The following STK31 variants were observed in gnomAD, a reference collection of about 807,000 sequenced individuals.
STK31 encodes serine/threonine kinase 31, also known as serine/threonine-protein kinase 31.
STK31 carries 89 observed loss-of-function variants against 129.7 expected under a neutral mutation model. The ratio of observed to expected loss-of-function variants is 0.69; its 90% CI spans 0.58 to 0.82. The LOEUF is 0.82. Among genes scored for constraint, STK31 ranks in the 40% least tolerant of loss-of-function variants. The pLI, the probability that STK31 is intolerant of heterozygous loss-of-function variation, is 0.00. For missense variants in STK31, 1,187 were observed against 1,176.4 expected (o/e 1.01, Z -0.13); for synonymous variants, 448 against 395.3 (o/e 1.13, Z -1.58).
intron 4 of STK31, among the ~76,000 whole-genome samples, chr7:23,726,871 T>C (rs901932698): frequency 6.6e-6 from 1 of 152,188 alleles, no homozygotes; most frequent in Admixed American, 6.5e-5. Flanking sequence ...GCCATGTTTA[T>C]GTTAAAAAAA....
chr7:23,799,474 G>A (rs1308614229), intron 22 of STK31, among the ~76,000 whole-genome samples: 1 of 152,092 alleles, frequency 6.6e-6, no homozygotes, highest in African/African-American at 2.4e-5. Context: ...TGACAAACCT[G>A]ACAGAAGCAA....
chr7:23,730,705 T>C (rs1787349246), intron 6 of STK31, among the ~76,000 whole-genome samples: 1 of 151,310 alleles, frequency 6.6e-6, no homozygotes, highest in Non-Finnish European at 1.5e-5. Context: ...CATAGTAAAA[T>C]GCACAGATTT....
In STK31 at chr7:23,775,756, A is replaced by G. The variant is rs558047048; in HGVS notation, c.1965+3478A>G. ...TGAGACGATGGGGTTTTCTAAATAT[A>G]CAATCATGTCATCTGCAAACAGAGA... On this transcript the variant is annotated intron_variant, in intron 15 of 23. Coordinates refer to ENST00000355870, the MANE Select transcript of STK31 (RefSeq NM_031414.5). Among the ~76,000 whole-genome samples the G allele has an allele frequency of 1.1e-3, 169 of 152,332 alleles. 1 individual carries two copies. Among genetic ancestry groups the G allele is most frequent in the Admixed American group, 3.4e-3 (52 of 15,294 alleles).
At chr7:23,792,375 A>T (rs940714399) in intron 22 of STK31, among the ~76,000 whole-genome samples, 2 of 152,210 alleles carry the variant, frequency 1.3e-5, no homozygotes, top group Non-Finnish European at 2.9e-5. Flanking sequence ...AAAGTATTAA[A>T]ATATGGAATT....
At chr7:23,758,028 G>T (rs1314665601) in intron 10 of STK31, among the ~76,000 whole-genome samples, 1 of 152,180 alleles carries the variant, frequency 6.6e-6, no homozygotes, top group East Asian at 1.9e-4. Context: ...AGCACATGTC[G>T]TAGGGAGCAC....
At chr7:23,749,156 C>T (rs974933977) in intron 8 of STK31, among the ~76,000 whole-genome samples, 2 of 152,186 alleles carry the variant, frequency 1.3e-5, no homozygotes, top group African/African-American at 4.8e-5. Context: ...CATTGCCCGT[C>T]TGTTGTTACT....
Position 23,783,754 on chromosome 7 carries a change from T to G in STK31, c.2148+91T>G, listed in dbSNP as rs188014586. On this transcript the variant is annotated intron_variant, in intron 17 of 23. Coordinates refer to ENST00000355870, the MANE Select transcript of STK31 (RefSeq NM_031414.5). Reference sequence around the variant, plus strand: ...TTGTGTCAGTGTTAAACTTATAGTATCTTTTAAATAAAAATACTCCTGATG... The same window carrying G: ...TTGTGTCAGTGTTAAACTTATAGTAGCTTTTAAATAAAAATACTCCTGATG... The G allele has an allele frequency of 4.8e-4, 501 of 1,033,836 alleles. 1 individual carries two copies. The African/African-American group carries it at 7.2e-3, about 15-fold the overall frequency. 64.0% of individuals were successfully genotyped at this position (1,033,836 alleles called of 1,614,324 possible). A position where few individuals can be genotyped will look rare whatever the true frequency, so the allele number is the denominator to read the frequency against.
At chr7:23,808,150 AAT>A (rs569815420) in intron 22 of STK31, among the ~76,000 whole-genome samples, 18 of 130,738 alleles carry the variant, frequency 1.4e-4, no homozygotes, top group African/African-American at 1.7e-4. Flanking sequence ...AATCCTTTTT[AAT>A]ATATATATAT....
chr7:23,797,455 A>T (rs565996858), intron 22 of STK31, among the ~76,000 whole-genome samples: 1 of 152,356 alleles, frequency 6.6e-6, no homozygotes, highest in East Asian at 1.9e-4. Flanking sequence ...GGATTAAGAA[A>T]CTAACTCAAA....
At chr7:23,772,570 G>T (rs945636201) in intron 15 of STK31, among the ~76,000 whole-genome samples, 2 of 152,028 alleles carry the variant, frequency 1.3e-5, no homozygotes, top group African/African-American at 4.8e-5. Context: ...CTTTTAGTTT[G>T]GACTGTTAGA....
At chr7:23,817,439 A>G (rs1357616153) in intron 23 of STK31, among the ~76,000 whole-genome samples, 1 of 152,220 alleles carries the variant, frequency 6.6e-6, no homozygotes, top group Non-Finnish European at 1.5e-5. Context: ...CTTGGCTTGT[A>G]TAGTATTTGC....
chr7:23,754,666 C>T (rs912133290), intron 10 of STK31, among the ~76,000 whole-genome samples, 192 bp downstream of exon 10: 11 of 152,228 alleles, frequency 7.2e-5, no homozygotes, highest in Admixed American at 3.3e-4. Flanking sequence ...CATTTCCTAA[C>T]GAGCCCTGGT....
intron 5 of STK31, among the ~76,000 whole-genome samples, chr7:23,728,072 C>CTTTT (rs56355518): frequency 7.3e-5 from 5 of 68,290 alleles, no homozygotes; most frequent in Non-Finnish European, 1.3e-4. Flanking sequence ...TTGTGTTAAG[C>CTTTT]TTTTTTTTTT....
chr7:23,809,386 C>T (rs1792941950), intron 22 of STK31, among the ~76,000 whole-genome samples: 2 of 152,118 alleles, frequency 1.3e-5, no homozygotes, highest in African/African-American at 2.4e-5. Flanking sequence ...ATCCTATCCT[C>T]ATTCTTCTCA....
At chr7:23,731,369 C>T (rs1251290074) in intron 6 of STK31, among the ~76,000 whole-genome samples, 3 of 152,172 alleles carry the variant, frequency 2.0e-5, no homozygotes, top group Non-Finnish European at 4.4e-5. Flanking sequence ...TGCTAATACC[C>T]ACTTACCCGG....
At chr7:23,805,145 G>A (rs1792623430) in intron 22 of STK31, among the ~76,000 whole-genome samples, 2 of 150,676 alleles carry the variant, frequency 1.3e-5, no homozygotes, top group South Asian at 2.1e-4. Context: ...GTGTGATCTC[G>A]GCTCACTGCA....
At chr7:23,763,625 T>G (rs1390537576) in intron 11 of STK31, among the ~76,000 whole-genome samples, 3 of 152,164 alleles carry the variant, frequency 2.0e-5, no homozygotes, top group Non-Finnish European at 4.4e-5. Context: ...ATTTCCTAGT[T>G]TTGATTGAAT....
intron 22 of STK31, among the ~76,000 whole-genome samples, chr7:23,806,610 T>C (rs1036206022): frequency 2.0e-5 from 3 of 152,070 alleles, no homozygotes; most frequent in Admixed American, 2.0e-4. Context: ...GATTAAGAGA[T>C]ACAGGTTGGG....
Position 23,754,344 on chromosome 7 carries a change from A to G in STK31, c.1163A>G (p.Lys388Arg), listed in dbSNP as rs1788915192. The G allele has an allele frequency of 3.1e-6, 5 of 1,612,576 alleles. No homozygotes were observed. The highest frequency in any genetic ancestry group is 4.2e-6 in the Non-Finnish European group (5 of 1,179,666). ...RHVDISVRFG[K>R]DLSDAIQVLD... Reference sequence around the variant, plus strand: ...GTCGACATCAGTGTCCGTTTCGGAAAAGACCTTTCAGATGCTATACAAGTG... The same window carrying G: ...GTCGACATCAGTGTCCGTTTCGGAAGAGACCTTTCAGATGCTATACAAGTG... The change falls in exon 10 of 24, where the codon AAA becomes AGA. Residue 388 changes from lysine (K) to arginine (R), a missense_variant. Lys to Arg is a conservative substitution (Grantham distance 26). This residue lies in a region of STK31 where 975 missense variants were observed against 934.9 expected (regional missense o/e 1.04). Coordinates refer to ENST00000355870, the MANE Select transcript of STK31 (RefSeq NM_031414.5).
Sources: gnomAD v4.1 joint callset for allele counts (sites outside exome capture counted in the v4.1 genomes callset) on GRCh38, gnomAD v4.1.1 for gene constraint, gnomAD v4.1.1 regional missense constraint, MANE v1.5 for transcripts, NCBI Gene and HGNC (gene_info 2026-07-23, HGNC 2026-07-21) for gene names.